The following INVS variants were observed in gnomAD, a reference collection of about 807,000 sequenced individuals.
INVS encodes the protein inversin, also known as inversion of embryo turning homolog.
INVS carries 86 observed loss-of-function variants against 108.8 expected under a neutral mutation model. That is an observed-to-expected ratio of 0.79 (90% CI 0.66 to 0.95). INVS has a LOEUF of 0.95. Among genes scored for constraint, INVS ranks in the 40% least tolerant of loss-of-function variants. The pLI is 0.00. For missense variants in INVS, 1,169 were observed against 1,297.4 expected (o/e 0.90, Z 1.52); for synonymous variants, 455 against 473.5 (o/e 0.96, Z 0.51).
chr9:100,263,651 C>T (rs1832697641), intron 10 of INVS, among the ~76,000 whole-genome samples: 1 of 152,194 alleles, frequency 6.6e-6, no homozygotes, highest in Non-Finnish European at 1.5e-5. Context: ...ATTCCATCTA[C>T]AACCTTAATT....
intron 2 of INVS, chr9:100,117,469 G>A (rs1827572065): frequency 1.3e-6 from 1 of 783,188 alleles, no homozygotes; most frequent in Non-Finnish European, 2.3e-6. Flanking sequence ...CCTTATCCTC[G>A]GCCTTGCCTT....
intron 9 of INVS, 151 bp from the exon 10 acceptor site, chr9:100,252,755 AT>A: frequency 1.5e-6 from 1 of 689,132 alleles, no homozygotes; most frequent in Non-Finnish European, 2.5e-6. Context: ...AAGCATTTCC[AT>A]AAGAATAAAG....
At chr9:100,118,860 C>T (rs745383818) in intron 2 of INVS, among the ~76,000 whole-genome samples, 6 of 152,036 alleles carry the variant, frequency 3.9e-5, no homozygotes, top group African/African-American at 9.7e-5. Context: ...GGGGTTTCAC[C>T]ATGTTGACCA....
In INVS at chr9:100,241,331, A is replaced by G. The variant is rs1351382276; in HGVS notation, c.796+1091A>G. Among the ~76,000 whole-genome samples the G allele has an allele frequency of 5.9e-5, 9 of 152,094 alleles. 1 individual carries two copies. Among genetic ancestry groups the G allele is most frequent in the African/African-American group, 1.9e-4 (8 of 41,504 alleles). On this transcript the variant is annotated intron_variant, in intron 6 of 16. Coordinates refer to ENST00000262457, the MANE Select transcript of INVS (RefSeq NM_014425.5). ...GTTTTGCTTTCTTTCTGCCTCCTAT[A>G]TAGATTGTATTTTGGGTTCTATTTT...
intron 2 of INVS, among the ~76,000 whole-genome samples, chr9:100,125,927 C>T (rs748679964): frequency 2.2e-4 from 33 of 152,130 alleles, no homozygotes; most frequent in Non-Finnish European, 4.7e-4. Context: ...CTCAAGTGAT[C>T]TGCCCACCTT....
intron 3 of INVS, among the ~76,000 whole-genome samples, chr9:100,209,353 T>A (rs1303772496): frequency 1.3e-5 from 2 of 152,140 alleles, no homozygotes; most frequent in African/African-American, 2.4e-5. Context: ...GGGCTTTAGA[T>A]CAGAATCCAC....
intron 3 of INVS, among the ~76,000 whole-genome samples, chr9:100,193,952 C>A (rs924986553): frequency 6.6e-6 from 1 of 152,194 alleles, no homozygotes; most frequent in Non-Finnish European, 1.5e-5. Flanking sequence ...GCCTTGGATA[C>A]ACTACAGATT....
intron 3 of INVS, among the ~76,000 whole-genome samples, chr9:100,138,700 C>CTTTTTTTT (rs36096327): frequency 2.4e-5 from 3 of 124,938 alleles, no homozygotes; most frequent in Non-Finnish European, 3.2e-5. Context: ...TGATGGTTTC[C>CTTTTTTTT]TTTTTTTTTT....
At chr9:100,287,923 T>C (rs1833495243) in intron 13 of INVS, among the ~76,000 whole-genome samples, 1 of 152,100 alleles carries the variant, frequency 6.6e-6, no homozygotes, top group South Asian at 2.1e-4. Context: ...TAGATGTGGT[T>C]CAGGTTCACC....
At chr9:100,203,877 T>A (rs1399610045) in intron 3 of INVS, among the ~76,000 whole-genome samples, 3 of 152,140 alleles carry the variant, frequency 2.0e-5, no homozygotes, top group Non-Finnish European at 4.4e-5. Flanking sequence ...ACTGCATGTT[T>A]CTCCTTGAAA....
chr9:100,286,758 C>G (rs1404474643), intron 13 of INVS, among the ~76,000 whole-genome samples: 1 of 152,128 alleles, frequency 6.6e-6, no homozygotes, highest in Non-Finnish European at 1.5e-5. Flanking sequence ...GATGCCACTC[C>G]CTCTACCTTA....
chr9:100,143,641 G>A (rs923034985), intron 3 of INVS, among the ~76,000 whole-genome samples: 5 of 152,146 alleles, frequency 3.3e-5, no homozygotes, highest in Non-Finnish European at 7.3e-5. Context: ...CAGGGAAGCA[G>A]ATAATTTAGT....
intron 3 of INVS, among the ~76,000 whole-genome samples, chr9:100,140,940 TAG>T (rs1828408047): frequency 6.6e-6 from 1 of 152,108 alleles, no homozygotes; most frequent in African/African-American, 2.4e-5. Context: ...GACATTTAAT[TAG>T]AGAGTGCCTA....
chr9:100,213,563 T>C (rs1281982769), intron 3 of INVS, among the ~76,000 whole-genome samples: 1 of 152,066 alleles, frequency 6.6e-6, no homozygotes, highest in Non-Finnish European at 1.5e-5. Context: ...TGAGATGAGA[T>C]TTTACCCTAA....
chr9:100,271,871 ATT>A (rs775899820), intron 11 of INVS, among the ~76,000 whole-genome samples: 6 of 145,162 alleles, frequency 4.1e-5, no homozygotes, highest in Admixed American at 6.9e-5. Flanking sequence ...GGTTTCCGAA[ATT>A]TTTTTTTTTT....
At chr9:100,126,579 A>G (rs1281857003) in intron 3 of INVS, 30 bp downstream of exon 3, 7 of 1,608,974 alleles carry the variant, frequency 4.4e-6, no homozygotes, top group Non-Finnish European at 6.0e-6. Context: ...TGAAGAGTAA[A>G]TGTTTTGTGT....
At chr9:100,158,010 G>T (rs368989253) in intron 3 of INVS, among the ~76,000 whole-genome samples, 12 of 152,098 alleles carry the variant, frequency 7.9e-5, no homozygotes, top group Non-Finnish European at 2.9e-5. Flanking sequence ...TCTTAATGTG[G>T]TGTATATCAC....
intron 1 of INVS, among the ~76,000 whole-genome samples, chr9:100,100,927 T>A (rs1422738680): frequency 4.1e-5 from 1 of 24,514 alleles, no homozygotes; most frequent in Non-Finnish European, 6.2e-5. Context: ...TGTATATATA[T>A]AATATATATA....
chr9:100,244,692 C>T (rs866545654), intron 7 of INVS, among the ~76,000 whole-genome samples: 1 of 152,152 alleles, frequency 6.6e-6, no homozygotes, highest in Non-Finnish European at 1.5e-5. Flanking sequence ...TCCTTGTCCT[C>T]TATTAACTGA....
Sources: allele counts gnomAD v4.1 joint callset (sites outside exome capture counted in the v4.1 genomes callset), GRCh38; gene constraint gnomAD v4.1.1; transcripts MANE v1.5; gene names NCBI Gene and HGNC (gene_info 2026-07-23, HGNC 2026-07-21).